The following CRB3 variants were observed in gnomAD, a reference collection of about 807,000 sequenced individuals.
The protein encoded by CRB3 is protein crumbs homolog 3.
In CRB3, 4 loss-of-function variants were observed where a neutral mutation model predicts 10.4. The observed-to-expected ratio is 0.39, with a 90% CI of 0.19 to 0.88. The LOEUF is 0.88. CRB3 is among the 40% of genes least tolerant of loss of function. The pLI, the probability that CRB3 is intolerant of heterozygous loss-of-function variation, is 0.39. For missense variants in CRB3, 154 were observed against 160.2 expected (o/e 0.96, Z 0.21); for synonymous variants, 74 against 73.4 (o/e 1.01, Z -0.04).
At position 6,464,396 on chromosome 19, in the gene CRB3, A is replaced by C. The variant is rs1387222727; in HGVS notation, c.-95+46A>C. On this transcript the variant is annotated intron_variant, in intron 1 of 3. Coordinates refer to ENST00000600229, the MANE Select transcript of CRB3 (RefSeq NM_139161.5). The surrounding 1 kb of genome is among the most constrained non-coding windows in gnomAD (Gnocchi z 5.3). ...GCTAGGCCTGCCCCCTCGCCCGTCC[A>C]CCCTGCCCGTCCCGTCCCGTCCCGT... 1 of 290,906 alleles carries C rather than the reference A, an allele frequency of 3.4e-6. No individual in the cohort carries two copies. The highest frequency in any genetic ancestry group is 6.3e-6 in the Non-Finnish European group (1 of 157,778). 18.0% of individuals were successfully genotyped at this position (290,906 alleles called of 1,614,324 possible). A position where few individuals can be genotyped will look rare whatever the true frequency, so the allele number is the denominator to read the frequency against.
chr19:6,464,673 C>A lies in CRB3; in HGVS notation c.-29C>A. On this transcript the variant is annotated 5_prime_UTR_variant, in exon 2 of 4. Transcript: ENST00000600229. The surrounding 1 kb of genome is among the most constrained non-coding windows in gnomAD (Gnocchi z 5.3). ...AGGGGCGAGCGCGAGAAGCCCCTTCCTCGGCGCTGCCAACCCGCCACCCAG... is the reference window on the plus strand; with the variant it reads ...AGGGGCGAGCGCGAGAAGCCCCTTCATCGGCGCTGCCAACCCGCCACCCAG... The A allele has an allele frequency of 8.2e-7, 1 of 1,224,260 alleles. No homozygotes were observed. The highest frequency in any genetic ancestry group is 1.0e-6 in the Non-Finnish European group (1 of 980,454). 75.8% of individuals were successfully genotyped at this position (1,224,260 alleles called of 1,614,324 possible). A position where few individuals can be genotyped will look rare whatever the true frequency, so the allele number is the denominator to read the frequency against.
intron 2 of CRB3, 139 bp from the exon 3 acceptor site, chr19:6,465,406 C>T: frequency 1.3e-6 from 1 of 760,372 alleles, no homozygotes; most frequent in Admixed American, 1.8e-5. Flanking sequence ...ACCCAACCAT[C>T]TCTGTGCGAA....
rs1193291239 is a variant in CRB3, at chr19:6,464,365, C to G, written c.-95+15C>G. 4.2e-6 allele frequency: 1 copy of G among 239,690 alleles called. No individual in the cohort carries two copies. Among genetic ancestry groups the G allele is most frequent in the Non-Finnish European group, 8.0e-6 (1 of 125,178 alleles). The allele number at this position is 239,690 out of a possible 1,614,324, so 14.8% of individuals were successfully genotyped here. The stretch of plus-strand genomic sequence containing the variant: ...GCCCGGGCCAGGTAGGAAGGCAGGA[C>G]GCACCGCTAGGCCTGCCCCCTCGCC... On this transcript the variant is annotated intron_variant, in intron 1 of 3. Coordinates refer to ENST00000600229, the MANE Select transcript of CRB3 (RefSeq NM_139161.5). The surrounding 1 kb of genome is among the most constrained non-coding windows in gnomAD (Gnocchi z 5.3).
chr19:6,466,677 T>G lies in CRB3; in HGVS notation c.*5T>G. On this transcript the variant is annotated 3_prime_UTR_variant, in exon 4 of 4. Coordinates refer to ENST00000600229, the MANE Select transcript of CRB3 (RefSeq NM_139161.5). The surrounding 1 kb of genome is among the most constrained non-coding windows in gnomAD (Gnocchi z 4.9). ...CCGGAAGAGCGGCTCATCTGAACGC[T>G]GGGGCCTGCTGCAGCCACCAACACT... 1.9e-6 allele frequency: 3 copies of G among 1,597,738 alleles called. No homozygotes were observed. The highest frequency in any genetic ancestry group is 2.5e-6 in the Non-Finnish European group (3 of 1,179,068).
At chr19:6,465,953 C>T (rs1187267812) in intron 3 of CRB3, among the ~76,000 whole-genome samples, 1 of 152,114 alleles carries the variant, frequency 6.6e-6, no homozygotes, top group African/African-American at 2.4e-5. Context: ...GTAATCCTAA[C>T]ACCTTGGGAG....
Position 6,466,995 on chromosome 19 carries a change from G to A in CRB3, c.*323G>A. The stretch of plus-strand genomic sequence containing the variant: ...CCCGGGCCCCTCAGGACTCCAAGGA[G>A]ACGGTGCAGGGCTGCCTGCCCATCT... On this transcript the variant is annotated 3_prime_UTR_variant, in exon 4 of 4. Transcript: ENST00000600229. The surrounding 1 kb of genome is among the most constrained non-coding windows in gnomAD (Gnocchi z 4.9). The A allele has an allele frequency of 6.2e-7, 1 of 1,614,040 alleles. No homozygotes were observed. Among genetic ancestry groups the A allele is most frequent in the Non-Finnish European group, 8.5e-7 (1 of 1,180,006 alleles).
Position 6,466,813 on chromosome 19 carries a change from C to T in CRB3, c.*141C>T. On this transcript the variant is annotated 3_prime_UTR_variant, in exon 4 of 4. Coordinates refer to ENST00000600229, the MANE Select transcript of CRB3 (RefSeq NM_139161.5). This position sits in a 1 kb window ranked among gnomAD's most constrained non-coding sequence, Gnocchi z 4.9. ...AGGCTGGGGGCACCCATGTGGTGGG[C>T]TCTGTGCAGCATGTTGCCTCTGCTT... is the stretch of plus-strand genomic sequence containing the variant. 1 of 1,556,690 alleles carries T rather than the reference C, an allele frequency of 6.4e-7. No individual in the cohort carries two copies. Among genetic ancestry groups the T allele is most frequent in the Non-Finnish European group, 8.7e-7 (1 of 1,150,970 alleles).
At position 6,465,426 on chromosome 19, in the gene CRB3, G is replaced by T. The variant is rs557929043; in HGVS notation, c.83-119G>T. 8.6e-6 allele frequency: 7 copies of T among 818,548 alleles called. No individual in the cohort carries two copies. The East Asian group carries it at 1.7e-4, about 20-fold the overall frequency. 50.7% of individuals were successfully genotyped at this position (818,548 alleles called of 1,614,324 possible). A position where few individuals can be genotyped will look rare whatever the true frequency, so the allele number is the denominator to read the frequency against. ...ACCATCTCTGTGCGAATGAAAGGCA[G>T]AGTTTGAATTGGGACCTGCTAGGGG... is the stretch of plus-strand genomic sequence containing the variant. On this transcript the variant is annotated intron_variant, in intron 2 of 3. Coordinates refer to ENST00000600229, the MANE Select transcript of CRB3 (RefSeq NM_139161.5).
Position 6,466,446 on chromosome 19 carries a change from C to T in CRB3, c.157-20C>T. ...AGGCTACCCAGGCTCAGGTGATTCA[C>T]ACCTGTCCCCTCTCTGCAGCGTCCA... is the stretch of plus-strand genomic sequence containing the variant. On this transcript the variant is annotated intron_variant, in intron 3 of 3. Transcript: ENST00000600229. The surrounding 1 kb of genome is among the most constrained non-coding windows in gnomAD (Gnocchi z 4.9). 1 of 1,611,314 alleles carries T rather than the reference C, an allele frequency of 6.2e-7. No homozygotes were observed. Among genetic ancestry groups the T allele is most frequent in the Admixed American group, 1.7e-5 (1 of 60,010 alleles).
Position 6,466,633 on chromosome 19 carries a change from C to T in CRB3, c.324C>T (p.Thr108=), listed in dbSNP as rs1224359706. The T allele has an allele frequency of 6.2e-7, 1 of 1,603,596 alleles. No homozygotes were observed. The highest frequency in any genetic ancestry group is 2.2e-5 in the East Asian group (1 of 44,864). The change falls in exon 4 of 4, where the codon ACC becomes ACT. Residue 108 remains threonine (T), a synonymous_variant. Coordinates refer to ENST00000600229, the MANE Select transcript of CRB3 (RefSeq NM_139161.5). The surrounding 1 kb of genome is among the most constrained non-coding windows in gnomAD (Gnocchi z 4.9). The part of the protein sequence containing the change: ...EEQVGARVPP[T]PNLKLPPEER... ...AGGTGGGTGCCCGCGTGCCACCGAC[C>T]CCCAACCTCAAGTTGCCGCCGGAAG...
intron 2 of CRB3, chr19:6,465,092 T>G: frequency 3.2e-6 from 1 of 308,918 alleles, no homozygotes. Context: ...TGAGTCTTGG[T>G]ATAGTGCAGG....
rs2145160533 is a variant in CRB3, at chr19:6,465,543, A to G, written c.83-2A>G. On this transcript the variant is annotated splice_acceptor_variant, in intron 2 of 3. Transcript: ENST00000600229. LOFTEE classifies it high-confidence loss of function. Reference sequence around the variant, plus strand: ...GTTATTCTCTGCCTTCACCCTCCACAGTACAGACCACTTCTGCAAATGAGA... The same window carrying G: ...GTTATTCTCTGCCTTCACCCTCCACGGTACAGACCACTTCTGCAAATGAGA... 6.2e-7 allele frequency: 1 copy of G among 1,613,568 alleles called. No individual in the cohort carries two copies. Among genetic ancestry groups the G allele is most frequent in the Non-Finnish European group, 8.5e-7 (1 of 1,179,500 alleles).
At position 6,464,869 on chromosome 19, in the gene CRB3, T is replaced by TG; in HGVS notation, c.82+90dup. On this transcript the variant is annotated intron_variant, in intron 2 of 3. Transcript: ENST00000600229. This position sits in a 1 kb window ranked among gnomAD's most constrained non-coding sequence, Gnocchi z 5.3. ...ACGTGGCTTAGAAGCGCTGGGTATCTGGGGCGCAGAGAGGGTCAAGAATTG... is the reference window on the plus strand; with the variant it reads ...ACGTGGCTTAGAAGCGCTGGGTATCTGGGGGCGCAGAGAGGGTCAAGAATTG... 1.3e-6 allele frequency: 1 copy of TG among 769,394 alleles called. No individual in the cohort carries two copies. The highest frequency in any genetic ancestry group is 1.8e-6 in the Non-Finnish European group (1 of 564,548). 47.7% of individuals were successfully genotyped at this position (769,394 alleles called of 1,614,324 possible).
In CRB3 at chr19:6,464,536, C is replaced by T. The variant is rs970073581; in HGVS notation, c.-94-72C>T. Reference sequence around the variant, plus strand: ...TCATGGGTGCCCTGGCGCCAGTTGTCTCTCCTGTGGGCCTGCGCCGGGGTC... The same window carrying T: ...TCATGGGTGCCCTGGCGCCAGTTGTTTCTCCTGTGGGCCTGCGCCGGGGTC... On this transcript the variant is annotated intron_variant, in intron 1 of 3. Transcript: ENST00000600229. The surrounding 1 kb of genome is among the most constrained non-coding windows in gnomAD (Gnocchi z 5.3). 66 of 405,052 alleles carry T rather than the reference C, an allele frequency of 1.6e-4. No individual in the cohort carries two copies. In the Admixed American group the frequency reaches 1.8e-3, roughly 11 times the overall value. The allele number at this position is 405,052 out of a possible 1,614,324, so 25.1% of individuals were successfully genotyped here.
Position 6,464,819 on chromosome 19 carries a change from C to T in CRB3, c.82+36C>T. 2 of 1,161,430 alleles carry T rather than the reference C, an allele frequency of 1.7e-6. No homozygotes were observed. The highest frequency in any genetic ancestry group is 2.2e-6 in the Non-Finnish European group (2 of 918,584). 71.9% of individuals were successfully genotyped at this position (1,161,430 alleles called of 1,614,324 possible). On this transcript the variant is annotated intron_variant, in intron 2 of 3. Transcript: ENST00000600229. This position sits in a 1 kb window ranked among gnomAD's most constrained non-coding sequence, Gnocchi z 5.3. ...GCTGAGAGCGCTGGGGGGGAGGGGTCTGGATTCCTGGATCTCTGCTGGGGA... is the reference window on the plus strand; with the variant it reads ...GCTGAGAGCGCTGGGGGGGAGGGGTTTGGATTCCTGGATCTCTGCTGGGGA...
chr19:6,465,481 C>G (rs1031251528), intron 2 of CRB3, 64 bp from the exon 3 acceptor site: 166 of 1,352,158 alleles, frequency 1.2e-4, no homozygotes, highest in Middle Eastern at 7.2e-4. Flanking sequence ...AAAGCAGGTG[C>G]AGATGGGCGG....
At chr19:6,465,711 C>A in intron 3 of CRB3, 93 bp downstream of exon 3, 1 of 1,115,274 alleles carries the variant, frequency 9.0e-7, no homozygotes, top group Non-Finnish European at 1.4e-6. Flanking sequence ...ACCCCCTCCC[C>A]CCAGAGGTGG....
intron 2 of CRB3, 196 bp from the exon 3 acceptor site, chr19:6,465,349 G>A (rs572466296): frequency 4.9e-5 from 32 of 651,236 alleles, no homozygotes; most frequent in African/African-American, 4.1e-4. Context: ...GGTCGGGGGG[G>A]TGTCCTGGGG....
In CRB3 at chr19:6,466,351, G is replaced by GTGTGTA; in HGVS notation, c.157-109_157-104dup. 3 of 858,686 alleles carry GTGTGTA rather than the reference G, an allele frequency of 3.5e-6. No homozygotes were observed. In the East Asian group the frequency reaches 7.3e-5, roughly 21 times the overall value. 53.2% of individuals were successfully genotyped at this position (858,686 alleles called of 1,614,324 possible). A position where few individuals can be genotyped will look rare whatever the true frequency, so the allele number is the denominator to read the frequency against. ...GATCAGATCACCAAAAGTGGCAGATGTGTGTATGTGTGTGTGTGTGTTGTG... is the reference window on the plus strand; with the variant it reads ...GATCAGATCACCAAAAGTGGCAGATGTGTGTATGTGTATGTGTGTGTGTGTGTTGTG... On this transcript the variant is annotated intron_variant, in intron 3 of 3. Transcript: ENST00000600229. This position sits in a 1 kb window ranked among gnomAD's most constrained non-coding sequence, Gnocchi z 4.9.
Sources: allele counts gnomAD v4.1 joint callset (sites outside exome capture counted in the v4.1 genomes callset), GRCh38; gene constraint gnomAD v4.1.1; non-coding constraint Gnocchi (gnomAD v3.1); transcripts MANE v1.5; gene names NCBI Gene and HGNC (gene_info 2026-07-23, HGNC 2026-07-21).